Variants in GPATCH2L observed in about 807,000 individuals in gnomAD.
GPATCH2L encodes G patch domain-containing protein 2-like.
Under a neutral mutation model 57.4 loss-of-function variants are expected in GPATCH2L, and 31 were observed. The ratio of observed to expected loss-of-function variants is 0.54; its 90% CI spans 0.41 to 0.73. GPATCH2L has a LOEUF of 0.73. Among genes scored for constraint, GPATCH2L ranks in the 30% least tolerant of loss-of-function variants. The probability of loss-of-function intolerance (pLI) is 0.00; values close to 1 mark genes in which losing one functional copy is unlikely to be tolerated. For synonymous variants in GPATCH2L, 199 were observed against 210.7 expected (o/e 0.94, Z 0.48); for missense variants, 481 against 599.9 (o/e 0.80, Z 2.07).
intron 8 of GPATCH2L, among the ~76,000 whole-genome samples, chr14:76,194,480 T>C (rs1023385359): frequency 3.9e-5 from 4 of 101,394 alleles, no homozygotes; most frequent in Non-Finnish European, 8.3e-5. Context: ...TTTAGAGACA[T>C]GAAAGTGTGT....
intron 8 of GPATCH2L, 32 bp from the exon 9 acceptor site, chr14:76,195,846 T>A: frequency 6.5e-7 from 1 of 1,527,236 alleles, no homozygotes; most frequent in Middle Eastern, 1.7e-4. Context: ...ATTAAAAAGT[T>A]CAAACCATTT....
intron 3 of GPATCH2L, among the ~76,000 whole-genome samples, chr14:76,169,188 T>C (rs1026991401): frequency 2.0e-4 from 30 of 152,180 alleles, no homozygotes; most frequent in African/African-American, 7.0e-4. Context: ...CCAATAGCCC[T>C]TTCTCCTTTG....
chr14:76,154,460 C>T lies in GPATCH2L; in HGVS notation c.97C>T (p.Arg33Ter). The T allele has an allele frequency of 3.1e-6, 5 of 1,614,152 alleles. No homozygotes were observed. The highest frequency in any genetic ancestry group is 4.2e-6 in the Non-Finnish European group (5 of 1,180,032). ...ELWEEMALSP[R>*]QQRRQLRKRR... is the part of the protein sequence containing the mutation. Reference sequence around the variant, plus strand: ...GTGGGAGGAGATGGCGCTGAGCCCCCGACAGCAGAGGCGGCAGCTTCGGAA... The same window carrying T: ...GTGGGAGGAGATGGCGCTGAGCCCCTGACAGCAGAGGCGGCAGCTTCGGAA... Residue 33 changes from arginine (R) to a stop codon, truncating the protein, a stop_gained, in exon 2 of 10, where the codon CGA (arginine) becomes TGA (stop). Coordinates refer to ENST00000261530, the MANE Select transcript of GPATCH2L (RefSeq NM_017926.4). LOFTEE classifies it high-confidence loss of function. The surrounding 1 kb of genome is among the most constrained non-coding windows in gnomAD (Gnocchi z 4.4).
chr14:76,165,645 A>C (rs905223519), intron 2 of GPATCH2L, among the ~76,000 whole-genome samples: 1 of 152,016 alleles, frequency 6.6e-6, no homozygotes, highest in Non-Finnish European at 1.5e-5. Flanking sequence ...GATCTTTTGC[A>C]TCTGGTATTC....
chr14:76,156,225 A>G (rs908638525), intron 2 of GPATCH2L, among the ~76,000 whole-genome samples: 11 of 152,154 alleles, frequency 7.2e-5, no homozygotes, highest in Non-Finnish European at 4.4e-5. Context: ...TTCTGTCTCA[A>G]TTTAACTTTC....
chr14:76,231,555 T>C (rs1255369355), intron 2 of GPATCH2L, among the ~76,000 whole-genome samples: 1 of 151,556 alleles, frequency 6.6e-6, no homozygotes, highest in African/African-American at 2.4e-5. Flanking sequence ...GAGTTTCTAG[T>C]CATGAACCAT....
intron 2 of GPATCH2L, among the ~76,000 whole-genome samples, chr14:76,232,012 A>AGCCTCACT (rs1566830293): frequency 8.3e-4 from 2 of 2,398 alleles, no homozygotes; most frequent in South Asian, 0.011. Context: ...TGCAGGCTCA[A>AGCCTCACT]GCAATCTTCC....
At chr14:76,233,084 G>A (rs555521720) in intron 2 of GPATCH2L, among the ~76,000 whole-genome samples, 12 of 152,282 alleles carry the variant, frequency 7.9e-5, no homozygotes, top group South Asian at 6.2e-4. Flanking sequence ...TGGGTAAGGC[G>A]GATTCTTTAC....
chr14:76,189,466 A>G (rs1388115703), intron 8 of GPATCH2L, among the ~76,000 whole-genome samples: 2 of 151,926 alleles, frequency 1.3e-5, no homozygotes, highest in Admixed American at 6.6e-5. Flanking sequence ...TGTGGCCACT[A>G]TAAATGGGGT....
chr14:76,177,697 G>GTT (rs137962368), intron 6 of GPATCH2L, among the ~76,000 whole-genome samples: 111 of 127,374 alleles, frequency 8.7e-4, no homozygotes, highest in African/African-American at 1.9e-3. Flanking sequence ...CTTTGAAGAG[G>GTT]TTTTTTTTTG....
At chr14:76,197,786 T>C (rs1221108626) in intron 9 of GPATCH2L, among the ~76,000 whole-genome samples, 1 of 152,166 alleles carries the variant, frequency 6.6e-6, no homozygotes, top group Non-Finnish European at 1.5e-5. Flanking sequence ...TCTTCACCAG[T>C]GTGATGAACA....
At chr14:76,182,897 A>T (rs2039628954) in intron 8 of GPATCH2L, among the ~76,000 whole-genome samples, 1 of 152,240 alleles carries the variant, frequency 6.6e-6, no homozygotes, top group Non-Finnish European at 1.5e-5. Flanking sequence ...GTCATAGAAG[A>T]CAACAGGATT....
intron 9 of GPATCH2L, chr14:76,196,445 T>TC (rs2040155452): frequency 5.0e-6 from 1 of 198,876 alleles, no homozygotes; most frequent in East Asian, 1.3e-4. Context: ...CAGTTTTTTT[T>TC]TTTTTTTTTT....
chr14:76,159,631 G>A (rs895573135), intron 2 of GPATCH2L, among the ~76,000 whole-genome samples: 1 of 152,078 alleles, frequency 6.6e-6, no homozygotes, highest in African/African-American at 2.4e-5. Context: ...AAATGAAGGT[G>A]TAGAAAACAC....
At chr14:76,215,241 G>A (rs923462312), downstream of GPATCH2L, among the ~76,000 whole-genome samples, 5 of 151,930 alleles carry the variant, frequency 3.3e-5, no homozygotes, top group African/African-American at 1.2e-4. Flanking sequence ...AGTTAGAATG[G>A]CAATCATTAA....
At chr14:76,198,239 A>G (rs1436293663) in intron 9 of GPATCH2L, among the ~76,000 whole-genome samples, 3 of 152,216 alleles carry the variant, frequency 2.0e-5, no homozygotes, top group Non-Finnish European at 4.4e-5. Flanking sequence ...GTGAGCAAGC[A>G]TGCTAACCTG....
At chr14:76,169,450 A>G (rs1433446228) in intron 3 of GPATCH2L, among the ~76,000 whole-genome samples, 1 of 152,214 alleles carries the variant, frequency 6.6e-6, no homozygotes, top group Non-Finnish European at 1.5e-5. Flanking sequence ...ATTGTAAAAC[A>G]ACTAAGCCTA....
downstream of GPATCH2L, among the ~76,000 whole-genome samples, chr14:76,215,877 CA>C (rs1388668923): frequency 1.3e-5 from 2 of 150,788 alleles, no homozygotes; most frequent in Non-Finnish European, 3.0e-5. Context: ...GTAACCTGCA[CA>C]ATGTGCACAT....
intron 2 of GPATCH2L, among the ~76,000 whole-genome samples, chr14:76,166,443 T>C (rs911040766): frequency 1.2e-4 from 19 of 152,248 alleles, no homozygotes; most frequent in African/African-American, 3.9e-4. Context: ...TAGATTTTTT[T>C]AGTACTTTAA....
Sources: gnomAD v4.1 joint callset for allele counts (sites outside exome capture counted in the v4.1 genomes callset) on GRCh38, gnomAD v4.1.1 for gene constraint, Gnocchi (gnomAD v3.1) non-coding constraint, MANE v1.5 for transcripts, NCBI Gene and HGNC (gene_info 2026-07-23, HGNC 2026-07-21) for gene names.